Variants in SACS observed in about 807,000 individuals in gnomAD.
SACS encodes the protein sacsin.
Under a neutral mutation model 348.0 loss-of-function variants are expected in SACS, and 197 were observed. That is an observed-to-expected ratio of 0.57 (90% confidence interval 0.50 to 0.64). The LOEUF is 0.64. Ranked by LOEUF, SACS falls within the 30% of genes least tolerant of loss-of-function variation. The probability of loss-of-function intolerance (pLI) is 0.00; values close to 1 mark genes in which losing one functional copy is unlikely to be tolerated. For missense variants in SACS, 4,999 were observed against 5,360.8 expected (o/e 0.93, Z 2.11); for synonymous variants, 1,985 against 1,910.6 (o/e 1.04, Z -1.02).
rs1460598583 is a variant in SACS, at chr13:23,370,947, G to A, written c.259+131C>T. The A allele has an allele frequency of 1.0e-5, 5 of 484,140 alleles. No homozygotes were observed. The South Asian group carries it at 1.6e-4, about 15-fold the overall frequency. The allele number at this position is 484,140 out of a possible 1,614,324, so 30.0% of individuals were successfully genotyped here. On this transcript the variant is annotated intron_variant, in intron 4 of 9. Coordinates refer to ENST00000382292, the MANE Select transcript of SACS (RefSeq NM_014363.6). ...GCAGAGGTTGTGGTGAGCTGAGATT[G>A]TGCCACTGCACTCCAGCCTGGGCGA...
In SACS at chr13:23,333,993, C is replaced by T. The variant is rs758509190; in HGVS notation, c.9883G>A (p.Val3295Ile). ...GGAAGCAGAACATCTCCTTCAGGAA[C>T]CACAAGCTGGTTGGCTGAAACAGTA... ...KFTVSANQLV[V>I]PEGDVLLPLS... is the part of the protein sequence containing the mutation. Residue 3295 changes from valine (V) to isoleucine (I), a missense_variant, in exon 10 of 10, where the codon GTT (valine) becomes ATT (isoleucine). By Grantham distance (29) the Val-to-Ile change is conservative. Transcript: ENST00000382292. 4 of 1,613,864 alleles carry T rather than the reference C, an allele frequency of 2.5e-6. No individual in the cohort carries two copies. In the South Asian group the frequency reaches 4.4e-5, roughly 18 times the overall value.
chr13:23,420,489 GGGA>G, intron 1 of SACS, among the ~76,000 whole-genome samples: 1 of 152,090 alleles, frequency 6.6e-6, no homozygotes, highest in African/African-American at 2.4e-5. Context: ...TGTAAATCTG[GGGA>G]CTAAAGTCTA....
chr13:23,346,446 C>T (rs1869613241), intron 9 of SACS, among the ~76,000 whole-genome samples: 2 of 152,106 alleles, frequency 1.3e-5, no homozygotes, highest in Admixed American at 1.3e-4. Context: ...GCCTGGCCCC[C>T]TCTATGCTTT....
chr13:23,388,619 T>G (rs976177899), intron 2 of SACS, among the ~76,000 whole-genome samples: 2 of 149,492 alleles, frequency 1.3e-5, no homozygotes, highest in African/African-American at 4.9e-5. Flanking sequence ...CAAAGCGAAG[T>G]AACTCAGGAG....
At position 23,355,046 on chromosome 13, in the gene SACS, A is replaced by T. The variant is rs1203606581; in HGVS notation, c.1566T>A (p.Ser522=). ...SIKRLEMEKS[S]DFPLSVDVIY... ...TAACATCAACTGACAAGGGGAAATC[A>T]GAGCTCTTTTCCATCTCCAGACGTT... The change falls in exon 8 of 10, where the codon TCT becomes TCA. Residue 522 remains serine, a synonymous_variant. Transcript: ENST00000382292. The T allele has an allele frequency of 1.7e-5, 27 of 1,614,116 alleles. No homozygotes were observed. The highest frequency in any genetic ancestry group is 2.3e-5 in the Non-Finnish European group (27 of 1,180,054).
rs373242423 is a variant in SACS at position 23,334,494 on chromosome 13, G to C, written c.9382C>G (p.Leu3128Val). 6.2e-7 allele frequency: 1 copy of C among 1,612,984 alleles called. No homozygotes were observed. Among genetic ancestry groups the C allele is most frequent in the African/African-American group, 1.3e-5 (1 of 74,866 alleles). ...PCRLQQTNLK[L>V]FHSLKLLVDY... ...ACTAAAAGTTTTAAACTATGAAAAA[G>C]TTTTAGATTAGTCTGCTGCAGACGA... The change falls in exon 10 of 10, where the codon CTT becomes GTT. Residue 3128 changes from leucine (L) to valine (V), a missense_variant. Transcript: ENST00000382292.
intron 2 of SACS, among the ~76,000 whole-genome samples, chr13:23,392,142 G>A (rs1872551011): frequency 6.6e-6 from 1 of 152,182 alleles, no homozygotes; most frequent in Non-Finnish European, 1.5e-5. Context: ...GAGGCATCCT[G>A]TTGCCTTTTG....
Position 23,330,411 on chromosome 13 carries a change from C to T in SACS, c.13465G>A (p.Asp4489Asn), listed in dbSNP as rs1467558870. ...LSTKLALIAA[D>N]YAVRGKSDKD... ...TCAGACTTTCCCCTCACAGCATAGT[C>T]AGCTGCAATCAAAGCTAACTTGGTA... The change falls in exon 10 of 10, where the codon GAC becomes AAC. Residue 4489 changes from aspartate (D) to asparagine (N), a missense_variant. Coordinates refer to ENST00000382292, the MANE Select transcript of SACS (RefSeq NM_014363.6). 1.2e-6 allele frequency: 2 copies of T among 1,614,076 alleles called. No individual in the cohort carries two copies. Among genetic ancestry groups the T allele is most frequent in the Non-Finnish European group, 1.7e-6 (2 of 1,180,050 alleles).
intron 5 of SACS, among the ~76,000 whole-genome samples, chr13:23,366,356 T>C (rs556943811): frequency 1.3e-5 from 2 of 152,306 alleles, no homozygotes; most frequent in African/African-American, 4.8e-5. Flanking sequence ...CCACCAGCTG[T>C]TCCACCCCAA....
At chr13:23,361,814 T>C (rs915138911) in intron 6 of SACS, among the ~76,000 whole-genome samples, 3 of 150,474 alleles carry the variant, frequency 2.0e-5, no homozygotes, top group Non-Finnish European at 3.0e-5. Context: ...ATAAACATCC[T>C]GAGAGAAAAA....
intron 7 of SACS, among the ~76,000 whole-genome samples, chr13:23,357,001 A>C (rs1192732146): frequency 6.6e-6 from 1 of 152,230 alleles, no homozygotes; most frequent in Non-Finnish European, 1.5e-5. Context: ...ACCCCCATGA[A>C]TGAAATCAGG....
chr13:23,417,513 G>T (rs1021800923), intron 1 of SACS, among the ~76,000 whole-genome samples: 1 of 152,098 alleles, frequency 6.6e-6, no homozygotes, highest in African/African-American at 2.4e-5. Flanking sequence ...GTATCAGCAG[G>T]GTTTAGTGGG....
Position 23,334,980 on chromosome 13 carries a change from T to C in SACS, c.8896A>G (p.Asn2966Asp). The C allele has an allele frequency of 1.2e-6, 2 of 1,613,914 alleles. No individual in the cohort carries two copies. The highest frequency in any genetic ancestry group is 1.7e-6 in the Non-Finnish European group (2 of 1,179,846). ...LKKFLSFFPV[N>D]RLDLQPDLYC... Reference sequence around the variant, plus strand: ...AAATCTGGCTGTAGATCAAGACGGTTAACTGGGAAAAACGATAAAAACTTC... The same window carrying C: ...AAATCTGGCTGTAGATCAAGACGGTCAACTGGGAAAAACGATAAAAACTTC... The change falls in exon 10 of 10, where the codon AAC becomes GAC. Residue 2966 changes from asparagine to aspartate, a missense_variant. Physicochemically the swap from Asn to Asp is conservative, Grantham distance 23 (BLOSUM62 1). Coordinates refer to ENST00000382292, the MANE Select transcript of SACS (RefSeq NM_014363.6).
At chr13:23,371,208 TC>T in intron 3 of SACS, 43 bp from the exon 4 acceptor site, 2 of 1,201,902 alleles carry the variant, frequency 1.7e-6, no homozygotes, top group Non-Finnish European at 2.4e-6. Context: ...CAATACAGTC[TC>T]TAATACTGTA....
intron 5 of SACS, among the ~76,000 whole-genome samples, chr13:23,366,409 C>T (rs1056566162): frequency 6.7e-6 from 1 of 149,890 alleles, no homozygotes; most frequent in Admixed American, 6.7e-5. Context: ...TCATTATCAG[C>T]TAGTGATTCT....
At chr13:23,377,441 T>C (rs17078665) in intron 2 of SACS, among the ~76,000 whole-genome samples, 3,049 of 152,236 alleles carry the variant, frequency 0.02, 107 homozygotes, top group African/African-American at 0.07. Flanking sequence ...TTTTACTCTC[T>C]TCCTACAATG....
In SACS at chr13:23,430,207, CA is replaced by C. The variant is rs571830498; in HGVS notation, c.-502+3407del. Among the ~76,000 whole-genome samples, 1,290 of 138,134 alleles carry C rather than the reference CA, an allele frequency of 9.3e-3. 22 individuals are homozygous for C. The highest frequency in any genetic ancestry group is 0.03 in the African/African-American group (1,152 of 37,876). 90.6% of individuals were successfully genotyped at this position (138,134 alleles called of 152,430 possible). A position where few individuals can be genotyped will look rare whatever the true frequency, so the allele number is the denominator to read the frequency against. On this transcript the variant is annotated intron_variant, in intron 1 of 9. Coordinates refer to ENST00000382292, the MANE Select transcript of SACS (RefSeq NM_014363.6). Reference sequence around the variant, plus strand: ...TGGGTGACAGAGTTAGACAACATCTCAAAAAAAAAAAATTAATAAATAAAAC... The same window carrying C: ...TGGGTGACAGAGTTAGACAACATCTCAAAAAAAAAAATTAATAAATAAAAC...
intron 2 of SACS, among the ~76,000 whole-genome samples, chr13:23,400,610 C>T (rs1872929376): frequency 6.6e-6 from 1 of 152,124 alleles, no homozygotes; most frequent in Non-Finnish European, 1.5e-5. Flanking sequence ...TTAGTAGAGA[C>T]ACGGTTTCAC....
At chr13:23,367,744 C>G (rs1315313906) in intron 5 of SACS, among the ~76,000 whole-genome samples, 1 of 152,026 alleles carries the variant, frequency 6.6e-6, no homozygotes, top group Non-Finnish European at 1.5e-5. Flanking sequence ...CAGGCAGCCA[C>G]CACCATGCCT....
Sources: gnomAD v4.1 joint callset for allele counts (sites outside exome capture counted in the v4.1 genomes callset) on GRCh38, gnomAD v4.1.1 for gene constraint, MANE v1.5 for transcripts, NCBI Gene and HGNC (gene_info 2026-07-23, HGNC 2026-07-21) for gene names.